The following ZFAT variants were observed in gnomAD, a reference collection of about 807,000 sequenced individuals.
ZFAT encodes zinc finger protein ZFAT.
A neutral mutation model predicts 117.7 loss-of-function variants in ZFAT; 64 were observed. That is an observed-to-expected ratio of 0.54 (90% CI 0.44 to 0.67). ZFAT has a LOEUF of 0.67. ZFAT is among the 30% of genes least tolerant of loss of function. The pLI, the probability that ZFAT is intolerant of heterozygous loss-of-function variation, is 0.00. For missense variants in ZFAT, 1,433 were observed against 1,584.5 expected, an observed-to-expected ratio of 0.90 and a Z score of 1.62; for synonymous variants, 679 against 615.0, an observed-to-expected ratio of 1.10 and a Z score of -1.54.
intron 1 of ZFAT, among the ~76,000 whole-genome samples, chr8:134,685,188 T>A (rs1833261803): frequency 6.6e-6 from 1 of 152,030 alleles, no homozygotes; most frequent in Admixed American, 6.6e-5. Context: ...CATCCCCTTT[T>A]TACAGAGGAG....
the ZFAT span, among the ~76,000 whole-genome samples, chr8:134,819,835 C>T: frequency 1.3e-5 from 2 of 151,954 alleles, no homozygotes; most frequent in African/African-American, 4.8e-5. Flanking sequence ...TGAACCTTGG[C>T]CATGTATGTA....
intron 15 of ZFAT, among the ~76,000 whole-genome samples, chr8:134,500,728 T>G (rs1306438563): frequency 6.6e-6 from 1 of 152,144 alleles, no homozygotes; most frequent in Non-Finnish European, 1.5e-5. Context: ...ACAGGAGAAC[T>G]AGGAAAGGCC....
At position 134,601,323 on chromosome 8, in the gene ZFAT, G is replaced by A. The variant is rs140361753; in HGVS notation, c.2242+154C>T. Among the ~76,000 whole-genome samples, 17 of 152,266 alleles carry A rather than the reference G, an allele frequency of 1.1e-4. No individual in the cohort carries two copies. The East Asian group carries it at 2.5e-3, about 22-fold the overall frequency. ...CCTCCACAAGACTCCAAGCGCTAAC[G>A]GCCACACAGGGTCACCGTTCCTATC... On this transcript the variant is annotated intron_variant, in intron 6 of 15. Coordinates refer to ENST00000377838, the MANE Select transcript of ZFAT (RefSeq NM_020863.4).
chr8:134,618,265 T>C (rs1462868753), intron 3 of ZFAT, among the ~76,000 whole-genome samples: 1 of 152,160 alleles, frequency 6.6e-6, no homozygotes, highest in Non-Finnish European at 1.5e-5. Context: ...GCGACACCCA[T>C]ACTCCTGCTC....
Position 134,637,497 on chromosome 8 carries a change from T to G in ZFAT, c.412A>C (p.Ile138Leu). The change falls in exon 3 of 16, where the codon ATC (isoleucine) becomes CTC (leucine). Residue 138 changes from isoleucine (I) to leucine (L), a missense_variant. By Grantham distance (5) the Ile-to-Leu change is conservative. Around this residue, in one of 5 missense-constraint regions of ZFAT, gnomAD observed 436 missense variants for 482.0 expected, o/e 0.90. Coordinates refer to ENST00000377838, the MANE Select transcript of ZFAT (RefSeq NM_020863.4). ...TCCTCCTCACCCAAATTCAGCACGA[T>G]AATGCAGATGTGCTTCCGCAGCTGG... ...TRQLRKHICIIVLNLGEEEGE... is the reference protein window; with the variant it reads ...TRQLRKHICILVLNLGEEEGE... The G allele has an allele frequency of 6.2e-7, 1 of 1,613,744 alleles. No individual in the cohort carries two copies. Among genetic ancestry groups the G allele is most frequent in the Non-Finnish European group, 8.5e-7 (1 of 1,179,614 alleles).
At chr8:134,529,901 A>G (rs557735854) in intron 12 of ZFAT, among the ~76,000 whole-genome samples, 296 of 152,318 alleles carry the variant, frequency 1.9e-3, no homozygotes, top group African/African-American at 6.0e-3. Flanking sequence ...CCCAAACTCC[A>G]TGGAGAATGC....
intron 11 of ZFAT, among the ~76,000 whole-genome samples, chr8:134,543,407 C>T (rs1170994100): frequency 6.6e-6 from 1 of 152,284 alleles, no homozygotes; most frequent in Non-Finnish European, 1.5e-5. Context: ...TCCAAACCAT[C>T]TCACTCCCGC....
upstream of ZFAT, among the ~76,000 whole-genome samples, chr8:134,717,564 A>G (rs924858920): frequency 1.5e-5 from 2 of 133,470 alleles, no homozygotes; most frequent in African/African-American, 5.6e-5. Flanking sequence ...GCTCACTGCA[A>G]GCTCTGCCTC....
intron 10 of ZFAT, among the ~76,000 whole-genome samples, chr8:134,577,222 C>T (rs115919915): frequency 6.6e-6 from 1 of 152,178 alleles, no homozygotes; most frequent in East Asian, 1.9e-4. Context: ...TACATATTGA[C>T]TGGCAAACTT....
At chr8:134,567,066 A>G (rs1434909033) in intron 10 of ZFAT, among the ~76,000 whole-genome samples, 1 of 152,202 alleles carries the variant, frequency 6.6e-6, no homozygotes, top group Non-Finnish European at 1.5e-5. Context: ...CTTTGATGCC[A>G]AAATCAGCAT....
intron 15 of ZFAT, among the ~76,000 whole-genome samples, chr8:134,492,013 T>A (rs1253542479): frequency 6.8e-6 from 1 of 147,830 alleles, no homozygotes; most frequent in Non-Finnish European, 1.5e-5. Context: ...AGTTTTTTTG[T>A]TTTTGTTTTT....
At chr8:134,502,808 G>A (rs944896270) in intron 15 of ZFAT, among the ~76,000 whole-genome samples, 7 of 152,226 alleles carry the variant, frequency 4.6e-5, no homozygotes, top group Non-Finnish European at 8.8e-5. Flanking sequence ...TGCTGTGCCC[G>A]GCTAAGGGCC....
At chr8:134,628,519 C>T (rs1829674958) in intron 3 of ZFAT, among the ~76,000 whole-genome samples, 1 of 152,216 alleles carries the variant, frequency 6.6e-6, no homozygotes, top group Non-Finnish European at 1.5e-5. Flanking sequence ...ATGCTTAACG[C>T]TAGGGAGACA....
rs114297287 is a variant in ZFAT at position 134,590,165 on chromosome 8, T to C, written c.2563+103A>G. ...TCCCATGAATATATTCACAGCTTCA[T>C]CCCTTTTTATTTCTATATAGTGCAG... On this transcript the variant is annotated intron_variant, in intron 8 of 15. Coordinates refer to ENST00000377838, the MANE Select transcript of ZFAT (RefSeq NM_020863.4). 4.0e-3 allele frequency: 3,168 copies of C among 790,132 alleles called. 83 individuals carry two copies. The African/African-American group carries it at 0.047, about 12-fold the overall frequency. 48.9% of individuals were successfully genotyped at this position (790,132 alleles called of 1,614,324 possible).
At chr8:134,796,393 C>A in the ZFAT span, 1 of 152,196 alleles carries the variant, frequency 6.6e-6, no homozygotes, top group Non-Finnish European at 1.5e-5. Flanking sequence ...TTAGAGGACA[C>A]CTGGCTGGTA....
At position 134,599,959 on chromosome 8, in the gene ZFAT, CTAAAA is replaced by C. The variant is rs1165305537; in HGVS notation, c.2475+472_2475+476del. Reference sequence around the variant, plus strand: ...CTTCAAAGACATTCTCTCCCAGAGACTAAAATAAATAACACAAAACTGTGACAACA... The same window carrying C: ...CTTCAAAGACATTCTCTCCCAGAGACTAAATAACACAAAACTGTGACAACA... On this transcript the variant is annotated intron_variant, in intron 7 of 15. Coordinates refer to ENST00000377838, the MANE Select transcript of ZFAT (RefSeq NM_020863.4). 4.4e-4 allele frequency: 166 copies of C among 377,868 alleles called. 2 individuals carry two copies. Among genetic ancestry groups the C allele is most frequent in the South Asian group, 3.3e-3 (162 of 49,058 alleles). The allele number at this position is 377,868 out of a possible 1,614,324, so 23.4% of individuals were successfully genotyped here.
At chr8:134,557,989 G>T (rs540940078) in intron 11 of ZFAT, among the ~76,000 whole-genome samples, 17 of 152,352 alleles carry the variant, frequency 1.1e-4, no homozygotes, top group African/African-American at 3.8e-4. Context: ...CAGATTATGG[G>T]CTGTGGGGCC....
intron 11 of ZFAT, among the ~76,000 whole-genome samples, chr8:134,541,075 C>T (rs1166312526): frequency 6.6e-6 from 1 of 152,158 alleles, no homozygotes; most frequent in African/African-American, 2.4e-5. Flanking sequence ...GCTCTGTCAG[C>T]GCTTCCTCAC....
chr8:134,773,602 G>A, the ZFAT span, among the ~76,000 whole-genome samples: 474 of 152,366 alleles, frequency 3.1e-3, 2 homozygotes, highest in Middle Eastern at 0.01. Flanking sequence ...CTGGAAAGGA[G>A]TGACCATTCT....
Sources: allele counts gnomAD v4.1 joint callset (sites outside exome capture counted in the v4.1 genomes callset), GRCh38; gene constraint gnomAD v4.1.1; regional missense constraint gnomAD v4.1.1; transcripts MANE v1.5; gene names NCBI Gene and HGNC (gene_info 2026-07-23, HGNC 2026-07-21).